AP3D1: variants seen among roughly 807,000 people sequenced by gnomAD.
AP3D1 encodes adaptor related protein complex 3 subunit delta 1, also known as AP-3 complex subunit delta-1.
A neutral mutation model predicts 147.6 loss-of-function variants in AP3D1; 51 were observed. The observed-to-expected ratio is 0.35, with a 90% CI of 0.28 to 0.44. The LOEUF (loss-of-function observed/expected upper bound fraction) is 0.44. Ranked by LOEUF, AP3D1 falls within the 20% of genes least tolerant of loss-of-function variation. The pLI is 1.00. For synonymous variants in AP3D1, 760 were observed against 663.0 expected (o/e 1.15, Z -2.25); for missense variants, 1,421 against 1,624.2 (o/e 0.87, Z 2.15).
chr19:2,120,400 G>A (rs894114257), intron 14 of AP3D1, among the ~76,000 whole-genome samples: 4 of 152,078 alleles, frequency 2.6e-5, no homozygotes, highest in African/African-American at 2.4e-5. Flanking sequence ...CTCCAGAGGG[G>A]CCTGGCGCAG....
intron 1 of AP3D1, among the ~76,000 whole-genome samples, chr19:2,142,015 T>C (rs901360882): frequency 1.5e-5 from 2 of 129,686 alleles, no homozygotes; most frequent in African/African-American, 7.1e-5. Context: ...TATGTTTATT[T>C]ATATATATAT....
chr19:2,121,680 T>C (rs1326719371), intron 12 of AP3D1, 54 bp downstream of exon 12: 40 of 1,523,898 alleles, frequency 2.6e-5, no homozygotes, highest in Non-Finnish European at 3.3e-5. Context: ...TGACACTTAA[T>C]GTCCCTTAGA....
chr19:2,132,724 C>T (rs1009247809), intron 4 of AP3D1, 146 bp from the exon 5 acceptor site: 24 of 609,376 alleles, frequency 3.9e-5, no homozygotes, highest in Non-Finnish European at 6.8e-5. Context: ...TGCCTTAGCA[C>T]CCCTGCTGCT....
chr19:2,117,320 G>C lies in AP3D1; in HGVS notation c.1761C>G (p.Ala587=). The change falls in exon 16 of 32, where the codon GCC becomes GCG. Residue 587 remains alanine, a synonymous_variant. Transcript: ENST00000643116. ...QLVKHIQKLQ[A]KDVPVAEEVS... ...CCTCCTCTGCCACAGGCACGTCCTT[G>C]GCCTGAAGCTTCTGGATGTGCTTGA... 1 of 1,612,370 alleles carries C rather than the reference G, an allele frequency of 6.2e-7. No individual in the cohort carries two copies. Among genetic ancestry groups the C allele is most frequent in the Non-Finnish European group, 8.5e-7 (1 of 1,179,636 alleles).
intron 1 of AP3D1, among the ~76,000 whole-genome samples, chr19:2,142,247 A>C (rs1017187203): frequency 1.3e-5 from 2 of 151,612 alleles, no homozygotes; most frequent in Admixed American, 6.6e-5. Context: ...TCCTGACCTC[A>C]AGTAATTCGC....
intron 1 of AP3D1, among the ~76,000 whole-genome samples, chr19:2,147,822 T>A (rs996285650): frequency 6.7e-6 from 1 of 149,862 alleles, no homozygotes; most frequent in Admixed American, 6.7e-5. Context: ...GAGGTGGAGG[T>A]TGCAGTGAGC....
intron 12 of AP3D1, 107 bp downstream of exon 12, chr19:2,121,627 C>T: frequency 7.1e-7 from 1 of 1,411,032 alleles, no homozygotes; most frequent in Non-Finnish European, 9.4e-7. Flanking sequence ...TAACTGATGG[C>T]CGAGTGTGAG....
At chr19:2,145,345 G>C (rs1376456203) in intron 1 of AP3D1, among the ~76,000 whole-genome samples, 1 of 152,212 alleles carries the variant, frequency 6.6e-6, no homozygotes, top group Non-Finnish European at 1.5e-5. Flanking sequence ...CCCTCCGCCT[G>C]TCTCACTGCC....
intron 31 of AP3D1, among the ~76,000 whole-genome samples, chr19:2,104,952 G>GTC (rs1395635274): frequency 3.3e-5 from 5 of 152,118 alleles, no homozygotes; most frequent in Admixed American, 6.5e-5. Context: ...TGGGACCACA[G>GTC]TCACACACCA....
chr19:2,132,755 C>T (rs1003122244), intron 4 of AP3D1, among the ~76,000 whole-genome samples, 177 bp from the exon 5 acceptor site: 1 of 152,152 alleles, frequency 6.6e-6, no homozygotes, highest in Non-Finnish European at 1.5e-5. Flanking sequence ...AAGCTGAACT[C>T]GGACAAGGAG....
chr19:2,104,325 C>T, intron 31 of AP3D1, among the ~76,000 whole-genome samples: 1 of 115,638 alleles, frequency 8.6e-6, no homozygotes, highest in South Asian at 2.8e-4. Flanking sequence ...CCCCAACACC[C>T]AGACCCCAAT....
chr19:2,132,588 G>A lies in AP3D1; in HGVS notation c.355-10C>T, dbSNP rs1239315436. 6.3e-7 allele frequency: 1 copy of A among 1,595,426 alleles called. No homozygotes were observed. The highest frequency in any genetic ancestry group is 2.3e-5 in the East Asian group (1 of 44,280). ...TGGGGCTGCTCAAGTCCTGGAAAGT[G>A]AGAGAAAGGGGCCGTGGCCAGGATG... On this transcript the variant is annotated splice_polypyrimidine_tract_variant and intron_variant, in intron 4 of 31. Coordinates refer to ENST00000643116, the MANE Select transcript of AP3D1 (RefSeq NM_001261826.3).
intron 7 of AP3D1, 27 bp from the exon 8 acceptor site, chr19:2,129,190 C>T: frequency 6.2e-7 from 1 of 1,606,992 alleles, no homozygotes; most frequent in South Asian, 1.1e-5. Context: ...GCCTCGGTCA[C>T]CCGCAGGGAA....
At position 2,111,316 on chromosome 19, in the gene AP3D1, G is replaced by A. The variant is rs1380225381; in HGVS notation, c.2954C>T (p.Ser985Phe). The A allele has an allele frequency of 1.9e-6, 3 of 1,613,992 alleles. No individual in the cohort carries two copies. The highest frequency in any genetic ancestry group is 1.7e-5 in the Admixed American group (1 of 60,028). Residue 985 changes from serine to phenylalanine, a missense_variant, in exon 26 of 32, where the codon TCC becomes TTC. By Grantham distance (155) the Ser-to-Phe change is radical. Coordinates refer to ENST00000643116, the MANE Select transcript of AP3D1 (RefSeq NM_001261826.3). ...EEQLPPESSY[S>F]LLAENSYVKM... ...AACATAGGAATTTTCAGCGAGGAGG[G>A]AGTAGCTGGACTCAGGCTGGAAATA...
intron 1 of AP3D1, among the ~76,000 whole-genome samples, chr19:2,147,030 C>T (rs1191279388): frequency 1.4e-5 from 2 of 145,856 alleles, no homozygotes; most frequent in Admixed American, 7.0e-5. Flanking sequence ...GAATGACTGA[C>T]GTTATTAAAA....
chr19:2,114,347 C>T (rs372106714), intron 21 of AP3D1, 45 bp from the exon 22 acceptor site: 2 of 1,504,720 alleles, frequency 1.3e-6, no homozygotes, highest in African/African-American at 1.4e-5. Flanking sequence ...CACTGGCCAC[C>T]CCCCAGGACC....
intron 15 of AP3D1, 96 bp from the exon 16 acceptor site, chr19:2,117,463 G>A (rs555012155): frequency 1.7e-4 from 225 of 1,340,050 alleles, no homozygotes; most frequent in East Asian, 5.6e-4. Flanking sequence ...GCACAGTGAC[G>A]TGTGGGCCCC....
intron 9 of AP3D1, among the ~76,000 whole-genome samples, chr19:2,126,652 C>CAAAAAAA (rs58063456): frequency 2.5e-4 from 15 of 59,574 alleles, no homozygotes; most frequent in East Asian, 8.6e-4. Context: ...GACTCTGCCT[C>CAAAAAAA]AAAAAAAAAA....
At chr19:2,111,604 G>A (rs1455996456) in intron 25 of AP3D1, 75 bp downstream of exon 25, 1 of 1,479,146 alleles carries the variant, frequency 6.8e-7, no homozygotes, top group African/African-American at 1.4e-5. Flanking sequence ...CCGCATGGAG[G>A]CTGCAGGAGT....
Sources: gnomAD v4.1 joint callset for allele counts (sites outside exome capture counted in the v4.1 genomes callset) on GRCh38, gnomAD v4.1.1 for gene constraint, MANE v1.5 for transcripts, NCBI Gene and HGNC (gene_info 2026-07-23, HGNC 2026-07-21) for gene names.